MYO16: variants seen among roughly 807,000 people sequenced by gnomAD.
MYO16 encodes unconventional myosin-XVI.
Under a neutral mutation model 205.3 loss-of-function variants are expected in MYO16, and 94 were observed. The ratio of observed to expected loss-of-function variants is 0.46; its 90% CI spans 0.39 to 0.54. The LOEUF (loss-of-function observed/expected upper bound fraction) is 0.54, where lower values mean the gene tolerates loss of function less well. MYO16 is among the 20% of genes least tolerant of loss of function. The probability of loss-of-function intolerance (pLI) is 0.00; values close to 1 mark genes in which losing one functional copy is unlikely to be tolerated. For synonymous variants in MYO16, 988 were observed against 954.0 expected (o/e 1.04, Z -0.66); for missense variants, 2,315 against 2,387.5 (o/e 0.97, Z 0.63).
intron 1 of MYO16, among the ~76,000 whole-genome samples, chr13:108,601,682 T>C (rs987082759): frequency 1.3e-5 from 2 of 152,132 alleles, no homozygotes; most frequent in Non-Finnish European, 1.5e-5. Flanking sequence ...CAGACCTTTG[T>C]CCCAACTTCC....
chr13:109,138,844 A>G (rs1335585396), intron 31 of MYO16, among the ~76,000 whole-genome samples: 2 of 152,080 alleles, frequency 1.3e-5, no homozygotes, highest in Non-Finnish European at 2.9e-5. Flanking sequence ...TTTGAGACCA[A>G]GTCTCACTCT....
intron 11 of MYO16, among the ~76,000 whole-genome samples, chr13:108,860,516 G>C (rs1258907928): frequency 2.0e-5 from 3 of 152,118 alleles, no homozygotes; most frequent in Non-Finnish European, 4.4e-5. Context: ...AATTCTTTGG[G>C]TATATACCCG....
intron 2 of MYO16, among the ~76,000 whole-genome samples, chr13:108,704,763 A>G (rs1230728635): frequency 1.3e-5 from 2 of 152,224 alleles, no homozygotes; most frequent in Non-Finnish European, 1.5e-5. Flanking sequence ...CTAACTTTTT[A>G]TATTCAAAAA....
Position 108,753,904 on chromosome 13 carries a change from C to T in MYO16, c.507+26321C>T, listed in dbSNP as rs114271797. On this transcript the variant is annotated intron_variant, in intron 4 of 34. Coordinates refer to ENST00000457511, the MANE Select transcript of MYO16 (RefSeq NM_001198950.3). ...GCTATACTTTGAGGATTTGGCTGAT[C>T]TCAGACAGTTGACAATGTGTGTGTG... 9.2e-3 allele frequency among the ~76,000 whole-genome samples: 1,403 copies of T among 152,340 alleles called. 20 individuals carry two copies. Among genetic ancestry groups the T allele is most frequent in the African/African-American group, 0.032 (1,334 of 41,568 alleles).
intron 20 of MYO16, among the ~76,000 whole-genome samples, chr13:108,965,454 G>A (rs1206432575): frequency 6.6e-6 from 1 of 151,850 alleles, no homozygotes; most frequent in Admixed American, 6.6e-5. Context: ...TTGCCCAGGC[G>A]GGAGTGCACG....
chr13:108,749,896 G>A (rs1885177275), intron 4 of MYO16, among the ~76,000 whole-genome samples: 1 of 152,188 alleles, frequency 6.6e-6, no homozygotes. Context: ...CTGTAAACAA[G>A]TGGATACACA....
chr13:108,727,570 T>C lies in MYO16; in HGVS notation c.494T>C (p.Leu165Pro). Residue 165 changes from leucine (L) to proline (P), a missense_variant, in exon 4 of 35, where the codon CTG (leucine) becomes CCG (proline). Transcript: ENST00000457511. ...GCCTGCGATAACCCTGATATTGTCC[T>C]GCTTCTTGTATTAGTAAGTAAAGCA... ...ACACDNPDIV[L>P]LLVLAGANVL... is the part of the protein sequence containing the mutation. 6.2e-7 allele frequency: 1 copy of C among 1,611,836 alleles called. No homozygotes were observed. Among genetic ancestry groups the C allele is most frequent in the Non-Finnish European group, 8.5e-7 (1 of 1,179,388 alleles).
chr13:109,059,819 C>T (rs978379423), intron 27 of MYO16, among the ~76,000 whole-genome samples: 4 of 152,126 alleles, frequency 2.6e-5, no homozygotes, highest in African/African-American at 4.8e-5. Flanking sequence ...GTGTTTTAGT[C>T]ATGAAGTCCT....
chr13:109,021,170 C>T lies in MYO16; in HGVS notation c.2796+1259C>T, dbSNP rs182484621. Among the ~76,000 whole-genome samples the T allele has an allele frequency of 2.6e-5, 4 of 152,092 alleles. No homozygotes were observed. The East Asian group carries it at 7.7e-4, about 29-fold the overall frequency. On this transcript the variant is annotated intron_variant, in intron 23 of 34. Coordinates refer to ENST00000457511, the MANE Select transcript of MYO16 (RefSeq NM_001198950.3). ...GTTGTATAGGAGAGAATCCATTCTA[C>T]CTATTTAAGTAGGAAATAATATAGT...
intron 25 of MYO16, among the ~76,000 whole-genome samples, chr13:109,053,483 CTA>C (rs1385050083): frequency 1.3e-5 from 2 of 151,980 alleles, no homozygotes; most frequent in Non-Finnish European, 2.9e-5. Context: ...AGAAAGATCT[CTA>C]TGACTGGAGG....
intron 4 of MYO16, among the ~76,000 whole-genome samples, chr13:108,760,019 T>A (rs1885553100): frequency 6.6e-6 from 1 of 152,206 alleles, no homozygotes; most frequent in South Asian, 2.1e-4. Context: ...TCAGGGTAAC[T>A]GGGGTATCTG....
the MYO16 span, among the ~76,000 whole-genome samples, chr13:108,502,161 C>T: frequency 6.6e-5 from 10 of 151,676 alleles, no homozygotes; most frequent in African/African-American, 1.7e-4. Flanking sequence ...TGCAGTGAGC[C>T]GAGATTAAGC....
chr13:109,005,979 G>A (rs1017793542), intron 21 of MYO16, among the ~76,000 whole-genome samples: 1 of 152,156 alleles, frequency 6.6e-6, no homozygotes, highest in African/African-American at 2.4e-5. Flanking sequence ...AAGGGTAAGT[G>A]GGAGCTCCCT....
chr13:109,140,223 C>G lies in MYO16; in HGVS notation c.4052-41C>G. On this transcript the variant is annotated intron_variant, in intron 31 of 34. Coordinates refer to ENST00000457511, the MANE Select transcript of MYO16 (RefSeq NM_001198950.3). The surrounding 1 kb of genome is among the most constrained non-coding windows in gnomAD (Gnocchi z 8.0). Reference sequence around the variant, plus strand: ...CCCGGGCTTGGTGGGCACCCGTGGGCCTGGCCTGGCACCCACTGACCGCGT... The same window carrying G: ...CCCGGGCTTGGTGGGCACCCGTGGGGCTGGCCTGGCACCCACTGACCGCGT... 1 of 1,591,092 alleles carries G rather than the reference C, an allele frequency of 6.3e-7. No homozygotes were observed. Among genetic ancestry groups the G allele is most frequent in the Non-Finnish European group, 8.5e-7 (1 of 1,175,968 alleles).
chr13:108,855,148 A>C (rs1418950470), intron 10 of MYO16: 4 of 251,084 alleles, frequency 1.6e-5, no homozygotes, highest in African/African-American at 8.7e-5. Context: ...GGGAATAAGA[A>C]AAGTCAACAT....
rs754675294 is a variant in MYO16 at position 108,647,509 on chromosome 13, T to C, written c.28+17637T>C. Among the ~76,000 whole-genome samples the C allele has an allele frequency of 8.6e-4, 131 of 152,226 alleles. 1 individual carries two copies. The highest frequency in any genetic ancestry group is 1.5e-3 in the Non-Finnish European group (99 of 68,038). Reference sequence around the variant, plus strand: ...CTTTATTTTCAACTTTTCACCCTTATGTATCTTTGCTTCTGCCAAACTGAT... The same window carrying C: ...CTTTATTTTCAACTTTTCACCCTTACGTATCTTTGCTTCTGCCAAACTGAT... On this transcript the variant is annotated intron_variant, in intron 1 of 34. Transcript: ENST00000457511.
intron 32 of MYO16, among the ~76,000 whole-genome samples, chr13:109,146,963 C>A (rs1877365773): frequency 6.6e-6 from 1 of 151,460 alleles, no homozygotes; most frequent in Admixed American, 6.6e-5. Flanking sequence ...AACATTTATT[C>A]TTAAGGCATT....
chr13:108,664,815 G>T (rs999120458), intron 1 of MYO16, among the ~76,000 whole-genome samples: 2 of 152,084 alleles, frequency 1.3e-5, no homozygotes, highest in African/African-American at 4.8e-5. Flanking sequence ...TCCATTACAG[G>T]TGCTTTGACT....
Position 109,055,217 on chromosome 13 carries a change from C to A in MYO16, c.3129+91C>A. 9.0e-7 allele frequency: 1 copy of A among 1,112,438 alleles called. No individual in the cohort carries two copies. Among genetic ancestry groups the A allele is most frequent in the Non-Finnish European group, 1.3e-6 (1 of 776,828 alleles). The allele number at this position is 1,112,438 out of a possible 1,614,324, so 68.9% of individuals were successfully genotyped here. A position where few individuals can be genotyped will look rare whatever the true frequency, so the allele number is the denominator to read the frequency against. On this transcript the variant is annotated intron_variant, in intron 26 of 34. Coordinates refer to ENST00000457511, the MANE Select transcript of MYO16 (RefSeq NM_001198950.3). The surrounding 1 kb of genome is among the most constrained non-coding windows in gnomAD (Gnocchi z 5.0). Reference sequence around the variant, plus strand: ...AGACTTTTTTTTCCATTTTTGACAACTTAAATATCTTCACAAAAAAAGTAA... The same window carrying A: ...AGACTTTTTTTTCCATTTTTGACAAATTAAATATCTTCACAAAAAAAGTAA...
Sources: gnomAD v4.1 joint callset for allele counts (sites outside exome capture counted in the v4.1 genomes callset) on GRCh38, gnomAD v4.1.1 for gene constraint, Gnocchi (gnomAD v3.1) non-coding constraint, MANE v1.5 for transcripts, NCBI Gene and HGNC (gene_info 2026-07-23, HGNC 2026-07-21) for gene names.